Variants in ALAS1 observed in about 807,000 individuals in gnomAD.
The protein encoded by ALAS1 is 5-aminolevulinate synthase, non-specific, mitochondrial.
ALAS1 carries 29 observed loss-of-function variants against 59.6 expected under a neutral mutation model. The observed-to-expected ratio is 0.49, with a 90% CI of 0.36 to 0.66. The LOEUF (loss-of-function observed/expected upper bound fraction) is 0.66, where lower values mean the gene tolerates loss of function less well. ALAS1 is among the 30% of genes least tolerant of loss of function. The probability of loss-of-function intolerance (pLI) is 0.00; values close to 1 mark genes in which losing one functional copy is unlikely to be tolerated. For synonymous variants in ALAS1, 299 were observed against 296.6 expected (o/e 1.01, Z -0.08); for missense variants, 690 against 807.5 (o/e 0.85, Z 1.76).
intron 8 of ALAS1, among the ~76,000 whole-genome samples, 184 bp downstream of exon 8, chr3:52,206,935 C>T (rs1352741152): frequency 6.6e-6 from 1 of 151,784 alleles, no homozygotes; most frequent in Admixed American, 6.6e-5. Context: ...CCCGGGTTCA[C>T]GTCATTCTCC....
At position 52,204,896 on chromosome 3, in the gene ALAS1, C is replaced by CG. The variant is rs1699262560; in HGVS notation, c.784dup (p.Val262GlyfsTer20). ...CTACCTAGGAATGAGTCGCCACCCA[C>CG]GGGTGTGTGGGGCAGTTATGTAAGT... On this transcript the variant is annotated frameshift_variant, in exon 6 of 12. Transcript: ENST00000484952. LOFTEE classifies it high-confidence loss of function. 1.2e-6 allele frequency: 2 copies of CG among 1,613,966 alleles called. No individual in the cohort carries two copies. Among genetic ancestry groups the CG allele is most frequent in the Non-Finnish European group, 1.7e-6 (2 of 1,179,950 alleles).
In ALAS1 at chr3:52,198,736, G is replaced by C; in HGVS notation, c.-145G>C. On this transcript the variant is annotated 5_prime_UTR_variant, in exon 2 of 12. Coordinates refer to ENST00000484952, the MANE Select transcript of ALAS1 (RefSeq NM_000688.6). ...AGGAATCCTTGCTTCAGGGACTCGG[G>C]ACCCTGCTGGACCCCTTCCTCGGGT... 7.0e-7 allele frequency: 1 copy of C among 1,435,326 alleles called. No homozygotes were observed. The highest frequency in any genetic ancestry group is 1.2e-5 in the South Asian group (1 of 82,076). 88.9% of individuals were successfully genotyped at this position (1,435,326 alleles called of 1,614,324 possible). A position where few individuals can be genotyped will look rare whatever the true frequency, so the allele number is the denominator to read the frequency against.
intron 3 of ALAS1, among the ~76,000 whole-genome samples, chr3:52,201,150 C>T (rs1347948762): frequency 6.6e-6 from 1 of 152,136 alleles, no homozygotes; most frequent in African/African-American, 2.4e-5. Flanking sequence ...GCCAGTGACT[C>T]ACAGGAGTGT....
At chr3:52,201,753 T>C (rs1699189971) in intron 3 of ALAS1, among the ~76,000 whole-genome samples, 1 of 151,842 alleles carries the variant, frequency 6.6e-6, no homozygotes, top group Admixed American at 6.6e-5. Context: ...GAGATCCTGT[T>C]TCAAAAAAAA....
Position 52,203,976 on chromosome 3 carries a change from A to G in ALAS1, c.541A>G (p.Arg181Gly). Residue 181 changes from arginine to glycine, a missense_variant, in exon 5 of 12, where the codon AGA becomes GGA. Coordinates refer to ENST00000484952, the MANE Select transcript of ALAS1 (RefSeq NM_000688.6). ...QDIMQKQRPERVSHLLQDNLP... is the reference protein window; with the variant it reads ...QDIMQKQRPEGVSHLLQDNLP... Reference sequence around the variant, plus strand: ...CATCATGCAAAAGCAAAGACCAGAAAGAGTGTCTCATCTTCTTCAAGATAA... The same window carrying G: ...CATCATGCAAAAGCAAAGACCAGAAGGAGTGTCTCATCTTCTTCAAGATAA... 1 of 1,612,704 alleles carries G rather than the reference A, an allele frequency of 6.2e-7. No homozygotes were observed. Among genetic ancestry groups the G allele is most frequent in the Non-Finnish European group, 8.5e-7 (1 of 1,179,372 alleles).
chr3:52,202,615 G>T lies in ALAS1; in HGVS notation c.308G>T (p.Gly103Val). The change falls in exon 4 of 12, where the codon GGC (glycine) becomes GTC (valine). Residue 103 changes from glycine (G) to valine (V), a missense_variant. Coordinates refer to ENST00000484952, the MANE Select transcript of ALAS1 (RefSeq NM_000688.6). ...CACCCCTTGCCTGCCACAAGCCAGGGCACTGCAAGCAAATGCCCTTTCCTG... is the reference window on the plus strand; with the variant it reads ...CACCCCTTGCCTGCCACAAGCCAGGTCACTGCAAGCAAATGCCCTTTCCTG... ...SGHPLPATSQ[G>V]TASKCPFLAA... 6.2e-7 allele frequency: 1 copy of T among 1,614,174 alleles called. No individual in the cohort carries two copies. Among genetic ancestry groups the T allele is most frequent in the Non-Finnish European group, 8.5e-7 (1 of 1,180,030 alleles).
chr3:52,199,308 G>C lies in ALAS1; in HGVS notation c.67G>C (p.Gly23Arg). 1 of 1,614,198 alleles carries C rather than the reference G, an allele frequency of 6.2e-7. No homozygotes were observed. Among genetic ancestry groups the C allele is most frequent in the Non-Finnish European group, 8.5e-7 (1 of 1,180,020 alleles). Residue 23 changes from glycine to arginine, a missense_variant, in exon 3 of 12, where the codon GGC (glycine) becomes CGC (arginine). Physicochemically the swap from Gly to Arg is moderately radical, Grantham distance 125. Transcript: ENST00000484952. ...CCCCCAGGCCTTTCTGCAGAAAGCA[G>C]GCAAATCTCTGTTGTTCTATGCCCA... ...RVPQAFLQKAGKSLLFYAQNC... is the reference protein window; with the variant it reads ...RVPQAFLQKARKSLLFYAQNC...
Position 52,204,875 on chromosome 3 carries a change from C to CTAGG in ALAS1, c.761_764dup (p.Met256ArgfsTer27). ...GTCAGTCTGGTGCAGTAATGACTAC[C>CTAGG]TAGGAATGAGTCGCCACCCACGGGT... On this transcript the variant is annotated frameshift_variant, in exon 6 of 12. Coordinates refer to ENST00000484952, the MANE Select transcript of ALAS1 (RefSeq NM_000688.6). LOFTEE classifies it high-confidence loss of function. 6.2e-7 allele frequency: 1 copy of CTAGG among 1,614,142 alleles called. No homozygotes were observed. Among genetic ancestry groups the CTAGG allele is most frequent in the African/African-American group, 1.3e-5 (1 of 75,024 alleles).
intron 10 of ALAS1, 79 bp from the exon 11 acceptor site, chr3:52,212,179 G>A: frequency 7.5e-7 from 1 of 1,339,950 alleles, no homozygotes; most frequent in Non-Finnish European, 1.0e-6. Context: ...GAGCGTTGTG[G>A]GGACTGCGTT....
At position 52,212,343 on chromosome 3, in the gene ALAS1, C is replaced by T. The variant is rs753295410; in HGVS notation, c.1685C>T (p.Thr562Met). 8 of 1,614,046 alleles carry T rather than the reference C, an allele frequency of 5.0e-6. No individual in the cohort carries two copies. The highest frequency in any genetic ancestry group is 2.2e-5 in the East Asian group (1 of 44,898). The change falls in exon 11 of 12, where the codon ACG becomes ATG. Residue 562 changes from threonine (T) to methionine (M), a missense_variant. By Grantham distance (81) the Thr-to-Met change is moderately conservative (BLOSUM62 -1). Coordinates refer to ENST00000484952, the MANE Select transcript of ALAS1 (RefSeq NM_000688.6). ...TACGTGCAAGCAATCAATTACCCTACGGTGCCCCGGGGAGAAGAGCTCCTA... is the reference window on the plus strand; with the variant it reads ...TACGTGCAAGCAATCAATTACCCTATGGTGCCCCGGGGAGAAGAGCTCCTA... ...NIYVQAINYP[T>M]VPRGEELLRI...
chr3:52,200,003 G>A (rs1474743470), intron 3 of ALAS1, among the ~76,000 whole-genome samples: 1 of 152,076 alleles, frequency 6.6e-6, no homozygotes, highest in Non-Finnish European at 1.5e-5. Context: ...TGTACTTTTA[G>A]TAGGGTTTCA....
rs1220217983 is a variant in ALAS1, at chr3:52,206,610, A to G, written c.1024A>G (p.Met342Val). ...CTCTGATTCTGGGAACCATGCCTCC[A>G]TGATCCAAGGGATTCGAAACAGCCG... ...IYSDSGNHAS[M>V]IQGIRNSRVP... The change falls in exon 8 of 12, where the codon ATG becomes GTG. Residue 342 changes from methionine (M) to valine (V), a missense_variant. Physicochemically the swap from Met to Val is conservative, Grantham distance 21. Transcript: ENST00000484952. 11 of 1,614,118 alleles carry G rather than the reference A, an allele frequency of 6.8e-6. No homozygotes were observed. The highest frequency in any genetic ancestry group is 2.2e-5 in the East Asian group (1 of 44,906).
chr3:52,214,159 G>A lies in ALAS1; in HGVS notation c.1902G>A (p.Lys634=). The change falls in exon 12 of 12, where the codon AAG becomes AAA. Residue 634 remains lysine, a synonymous_variant. Transcript: ENST00000484952. ...REKSYFSGLS[K]LVSAQA ...AGTCCTATTTCTCAGGCTTGAGCAA[G>A]TTGGTATCTGCTCAGGCCTGAGCAT... 1.9e-6 allele frequency: 3 copies of A among 1,612,256 alleles called. No individual in the cohort carries two copies. The highest frequency in any genetic ancestry group is 2.5e-6 in the Non-Finnish European group (3 of 1,178,366).
In ALAS1 at chr3:52,204,674, T is replaced by C. The variant is rs1699256723; in HGVS notation, c.578-19T>C. On this transcript the variant is annotated intron_variant, in intron 5 of 11. Transcript: ENST00000484952. ...GTTTCACAACCACCATTCTGTACTGTCTTTTGTTCAATTTTTAGCTGTTTC... is the reference window on the plus strand; with the variant it reads ...GTTTCACAACCACCATTCTGTACTGCCTTTTGTTCAATTTTTAGCTGTTTC... The C allele has an allele frequency of 6.2e-7, 1 of 1,604,454 alleles. No homozygotes were observed. The highest frequency in any genetic ancestry group is 2.2e-5 in the East Asian group (1 of 44,808).
intron 3 of ALAS1, among the ~76,000 whole-genome samples, chr3:52,202,288 TGTA>T (rs1202474678): frequency 6.6e-6 from 1 of 152,072 alleles, no homozygotes; most frequent in Non-Finnish European, 1.5e-5. Flanking sequence ...AGGTGGAGGT[TGTA>T]GTGAGCCAAG....
At chr3:52,198,925 C>A in intron 2 of ALAS1, 77 bp downstream of exon 2, 1 of 1,464,376 alleles carries the variant, frequency 6.8e-7, no homozygotes, top group Non-Finnish European at 9.2e-7. Flanking sequence ...CTTGACCTTT[C>A]CCTCATCCTT....
chr3:52,199,590 G>C, intron 3 of ALAS1, 150 bp downstream of exon 3: 1 of 752,352 alleles, frequency 1.3e-6, no homozygotes, highest in Non-Finnish European at 2.1e-6. Context: ...TATCTCATAT[G>C]ATTGTCCCCC....
At chr3:52,202,022 A>G (rs1253724810) in intron 3 of ALAS1, among the ~76,000 whole-genome samples, 1 of 152,222 alleles carries the variant, frequency 6.6e-6, no homozygotes, top group African/African-American at 2.4e-5. Context: ...TGTGAAGCAG[A>G]TGAAAAACTA....
At position 52,214,181 on chromosome 3, in the gene ALAS1, G is replaced by A; in HGVS notation, c.*1G>A. 1 of 1,585,358 alleles carries A rather than the reference G, an allele frequency of 6.3e-7. No homozygotes were observed. Among genetic ancestry groups the A allele is most frequent in the South Asian group, 1.1e-5 (1 of 89,566 alleles). On this transcript the variant is annotated 3_prime_UTR_variant, in exon 12 of 12. Transcript: ENST00000484952. ...CAAGTTGGTATCTGCTCAGGCCTGA[G>A]CATGACCTCAATTATTTCACTTAAC...
Sources: gnomAD v4.1 joint callset for allele counts (sites outside exome capture counted in the v4.1 genomes callset) on GRCh38, gnomAD v4.1.1 for gene constraint, MANE v1.5 for transcripts, NCBI Gene and HGNC (gene_info 2026-07-23, HGNC 2026-07-21) for gene names.